EYS: variants seen among roughly 807,000 people sequenced by gnomAD.
The protein encoded by EYS is EGF-like photoreceptor maintenance factor, also known as protein eyes shut homolog.
In EYS, 250 loss-of-function variants were observed where a neutral mutation model predicts 282.1. The ratio of observed to expected loss-of-function variants is 0.89; its 90% CI spans 0.80 to 0.98. EYS has a LOEUF of 0.98. Ranked by LOEUF, EYS falls within the 50% of genes least tolerant of loss-of-function variation. EYS has a pLI of 0.00. For synonymous variants in EYS, 1,355 were observed against 1,282.9 expected, an observed-to-expected ratio of 1.06 and a Z score of -1.20; for missense variants, 4,016 against 3,709.0, an observed-to-expected ratio of 1.08 and a Z score of -2.15.
At chr6:64,313,621 G>A (rs542250572) in intron 29 of EYS, among the ~76,000 whole-genome samples, 1 of 152,018 alleles carries the variant, frequency 6.6e-6, no homozygotes, top group Admixed American at 6.5e-5. Flanking sequence ...AAATGTTAAG[G>A]GCAGCCAGAG....
At chr6:64,690,765 C>T (rs560291755) in intron 22 of EYS, among the ~76,000 whole-genome samples, 19 of 151,448 alleles carry the variant, frequency 1.3e-4, no homozygotes, top group African/African-American at 3.9e-4. Flanking sequence ...CACTCATAGG[C>T]GGGAATTGAA....
At chr6:65,199,823 A>C (rs1406136825) in intron 12 of EYS, among the ~76,000 whole-genome samples, 1 of 152,114 alleles carries the variant, frequency 6.6e-6, no homozygotes, top group Non-Finnish European at 1.5e-5. Flanking sequence ...CCTAGTCATC[A>C]TTTGAAAGGC....
chr6:65,230,257 G>T (rs1766732785), intron 12 of EYS, among the ~76,000 whole-genome samples: 1 of 151,734 alleles, frequency 6.6e-6, no homozygotes, highest in Admixed American at 6.6e-5. Flanking sequence ...TTTTCTCCTA[G>T]ATTACACTGT....
At chr6:63,833,005 A>G (rs1771689661) in intron 36 of EYS, among the ~76,000 whole-genome samples, 1 of 152,228 alleles carries the variant, frequency 6.6e-6, no homozygotes, top group Admixed American at 6.5e-5. Flanking sequence ...GGCCTTTGAC[A>G]AAATTCAGCA....
intron 41 of EYS, among the ~76,000 whole-genome samples, chr6:63,737,025 A>C (rs1043828117): frequency 4.6e-5 from 7 of 151,794 alleles, no homozygotes; most frequent in African/African-American, 1.7e-4. Flanking sequence ...CAATCATGTC[A>C]TCTGCAAACA....
At chr6:65,449,730 C>T (rs1298212929) in intron 5 of EYS, among the ~76,000 whole-genome samples, 1 of 151,974 alleles carries the variant, frequency 6.6e-6, no homozygotes, top group Non-Finnish European at 1.5e-5. Flanking sequence ...CATTTCCTCC[C>T]TTTACTTTCC....
At chr6:65,088,570 G>A (rs1231857833) in intron 12 of EYS, among the ~76,000 whole-genome samples, 1 of 152,142 alleles carries the variant, frequency 6.6e-6, no homozygotes, top group Non-Finnish European at 1.5e-5. Flanking sequence ...TTTCTAAGCA[G>A]CAAAGCATTC....
chr6:64,651,467 T>A (rs949599436), intron 22 of EYS, among the ~76,000 whole-genome samples: 2 of 152,022 alleles, frequency 1.3e-5, no homozygotes, highest in Non-Finnish European at 2.9e-5. Flanking sequence ...ATATGAAAGA[T>A]AATAAAGTAA....
chr6:64,641,063 G>C (rs1264935236), intron 22 of EYS, among the ~76,000 whole-genome samples: 7 of 152,158 alleles, frequency 4.6e-5, no homozygotes. Flanking sequence ...CTTCACAATA[G>C]AACTACTTGG....
chr6:64,459,229 G>A lies in EYS; in HGVS notation c.5645-19877C>T, dbSNP rs1425486560. Among the ~76,000 whole-genome samples, 4 of 152,054 alleles carry A rather than the reference G, an allele frequency of 2.6e-5. No individual in the cohort carries two copies. In the South Asian group the frequency reaches 6.2e-4, roughly 24 times the overall value. The stretch of plus-strand genomic sequence containing the variant: ...TCTTTTTCCTTTTCCTTCTTCTGTT[G>A]TTGAATACGTAAAGAATATCATAGG... On this transcript the variant is annotated intron_variant, in intron 26 of 42. Transcript: ENST00000503581.
At chr6:64,055,656 A>G (rs894204488) in intron 33 of EYS, among the ~76,000 whole-genome samples, 1 of 152,088 alleles carries the variant, frequency 6.6e-6, no homozygotes, top group Admixed American at 6.6e-5. Context: ...TTGGAGTTAC[A>G]TGTGTCCCTG....
chr6:64,009,903 GGTTT>G (rs567927911), intron 33 of EYS, among the ~76,000 whole-genome samples: 19 of 152,146 alleles, frequency 1.2e-4, no homozygotes, highest in Non-Finnish European at 2.4e-4. Context: ...ATGTGTTTTT[GGTTT>G]GTTTGTTTGT....
At chr6:64,154,282 A>C (rs980272684) in intron 31 of EYS, among the ~76,000 whole-genome samples, 28 of 151,940 alleles carry the variant, frequency 1.8e-4, no homozygotes, top group Admixed American at 1.8e-3. Context: ...CTCTACTAAA[A>C]ATACAAAATT....
intron 26 of EYS, among the ~76,000 whole-genome samples, chr6:64,589,747 A>C (rs528749443): frequency 3.3e-5 from 5 of 152,060 alleles, no homozygotes; most frequent in Non-Finnish European, 7.4e-5. Context: ...AAAAACTTTA[A>C]ATTTAAAAAT....
chr6:65,576,073 AT>A (rs1260055773), intron 2 of EYS, among the ~76,000 whole-genome samples: 2 of 152,030 alleles, frequency 1.3e-5, no homozygotes, highest in Non-Finnish European at 2.9e-5. Flanking sequence ...TTCCAAATGG[AT>A]TTTATGAAGT....
At chr6:65,548,134 C>A (rs1349128470) in intron 2 of EYS, among the ~76,000 whole-genome samples, 4 of 152,156 alleles carry the variant, frequency 2.6e-5, no homozygotes, top group African/African-American at 9.7e-5. Context: ...TTATCTGCTA[C>A]TAACAAACTA....
chr6:65,455,594 A>G (rs369180909), intron 5 of EYS, among the ~76,000 whole-genome samples: 1 of 152,172 alleles, frequency 6.6e-6, no homozygotes, highest in East Asian at 1.9e-4. Flanking sequence ...ACAGAAATAC[A>G]AAAGGAGATG....
At chr6:64,636,288 T>C (rs920568097) in intron 22 of EYS, among the ~76,000 whole-genome samples, 1 of 152,064 alleles carries the variant, frequency 6.6e-6, no homozygotes, top group African/African-American at 2.4e-5. Context: ...TAATGCCACA[T>C]ATCTACAACC....
intron 12 of EYS, among the ~76,000 whole-genome samples, chr6:65,103,650 A>T (rs927934648): frequency 6.6e-6 from 1 of 151,506 alleles, no homozygotes; most frequent in Non-Finnish European, 1.5e-5. Context: ...TACAAAGGTG[A>T]CCCACAAAGT....
Sources: allele counts gnomAD v4.1 joint callset (sites outside exome capture counted in the v4.1 genomes callset), GRCh38; gene constraint gnomAD v4.1.1; transcripts MANE v1.5; gene names NCBI Gene and HGNC (gene_info 2026-07-23, HGNC 2026-07-21).